ANKRD36: variants seen among roughly 807,000 people sequenced by gnomAD.
ANKRD36 encodes the protein ankyrin repeat domain-containing protein 36A.
In ANKRD36, 179 loss-of-function variants were observed where a neutral mutation model predicts 278.1. The observed-to-expected ratio is 0.64, with a 90% CI of 0.57 to 0.73. ANKRD36 has a LOEUF of 0.73. Ranked by LOEUF, ANKRD36 falls within the 30% of genes least tolerant of loss-of-function variation. ANKRD36 has a pLI of 0.00. For synonymous variants in ANKRD36, 320 were observed against 641.1 expected (o/e 0.50, Z 7.57); for missense variants, 1,159 against 1,956.7 (o/e 0.59, Z 7.69).
chr2:97,208,590 C>G (rs183619727), intron 54 of ANKRD36, among the ~76,000 whole-genome samples: 108 of 146,352 alleles, frequency 7.4e-4, no homozygotes, highest in Non-Finnish European at 3.3e-4. Flanking sequence ...TTGCTTTTAG[C>G]TGCTCCAGGA....
intron 16 of ANKRD36, 65 bp downstream of exon 16, chr2:97,158,232 T>C: frequency 1.4e-6 from 2 of 1,394,372 alleles, no homozygotes. Flanking sequence ...TCTTTTTCTT[T>C]CTTATTTTTT....
At chr2:97,183,275 C>T (rs768521478) in intron 26 of ANKRD36, among the ~76,000 whole-genome samples, 184 bp from the exon 27 acceptor site, 89 of 151,774 alleles carry the variant, frequency 5.9e-4, no homozygotes, top group Admixed American at 1.1e-3. Context: ...TTTCTGGAAG[C>T]GTGTATTCCT....
At chr2:97,170,010 C>T (rs374846321) in intron 22 of ANKRD36, among the ~76,000 whole-genome samples, 4 of 150,058 alleles carry the variant, frequency 2.7e-5, no homozygotes, top group Admixed American at 6.6e-5. Flanking sequence ...CATCACGCTA[C>T]CTGACTTCAA....
chr2:97,198,899 C>G lies in ANKRD36; in HGVS notation c.2755+241C>G, dbSNP rs1287404786. On this transcript the variant is annotated intron_variant, in intron 44 of 75. Coordinates refer to ENST00000420699, the MANE Select transcript of ANKRD36 (RefSeq NM_001354587.1). ...GGAAGAAGAAATATGGAGAGCAGTT[C>G]AAGGCATAAGGGGCTCCGGGGAACA... is the stretch of plus-strand genomic sequence containing the variant. 8.6e-5 allele frequency among the ~76,000 whole-genome samples: 13 copies of G among 151,784 alleles called. No homozygotes were observed. The East Asian group carries it at 2.5e-3, about 30-fold the overall frequency.
In ANKRD36 at chr2:97,191,108, G is replaced by A; in HGVS notation, c.2275-1G>A. On this transcript the variant is annotated splice_acceptor_variant, in intron 35 of 75. Transcript: ENST00000420699. LOFTEE classifies it high-confidence loss of function. Reference sequence around the variant, plus strand: ...ATTACTTTCTTTCAAATTCCATTCAGGCTACAACTGATGAGAAAGATTCTG... The same window carrying A: ...ATTACTTTCTTTCAAATTCCATTCAAGCTACAACTGATGAGAAAGATTCTG... 1 of 1,596,594 alleles carries A rather than the reference G, an allele frequency of 6.3e-7. No homozygotes were observed. Among genetic ancestry groups the A allele is most frequent in the African/African-American group, 1.3e-5 (1 of 74,134 alleles).
At chr2:97,226,989 C>G (rs1287664123) in intron 67 of ANKRD36, among the ~76,000 whole-genome samples, 8 of 152,080 alleles carry the variant, frequency 5.3e-5, no homozygotes, top group Non-Finnish European at 8.8e-5. Flanking sequence ...GTCTATATCT[C>G]TGTTTTGGTA....
intron 67 of ANKRD36, among the ~76,000 whole-genome samples, chr2:97,226,410 G>T (rs1428487439): frequency 1.3e-5 from 2 of 151,072 alleles, no homozygotes; most frequent in Non-Finnish European, 2.9e-5. Context: ...TTTTTTGGCT[G>T]CATAAATGTC....
At position 97,123,613 on chromosome 2, in the gene ANKRD36, T is replaced by TTATATATA. The variant is rs59057238; in HGVS notation, c.593+637_593+644dup. Among the ~76,000 whole-genome samples the TTATATATA allele has an allele frequency of 2.4e-3, 156 of 64,668 alleles. 6 individuals are homozygous for TTATATATA. Among genetic ancestry groups the TTATATATA allele is most frequent in the African/African-American group, 4.9e-3 (138 of 28,096 alleles). The allele number at this position is 64,668 out of a possible 152,430, so 42.4% of individuals were successfully genotyped here. On this transcript the variant is annotated intron_variant, in intron 4 of 75. Transcript: ENST00000420699. Reference sequence around the variant, plus strand: ...CAAGGGTGGTTGTGTGTAAGTAACATTATATATATATATATATATATATAA... The same window carrying TTATATATA: ...CAAGGGTGGTTGTGTGTAAGTAACATTATATATATATATATATATATATATATATATAA...
At position 97,233,721 on chromosome 2, in the gene ANKRD36, AT is replaced by A. The variant is rs763525758; in HGVS notation, c.3952-5del. ...GGGACATTTTGAAACAGTGTTATTT[AT>A]TTTGTAGGTGAAAAACCAAATACAT... is the stretch of plus-strand genomic sequence containing the variant. On this transcript the variant is annotated splice_polypyrimidine_tract_variant and splice_region_variant and intron_variant, in intron 67 of 75. Transcript: ENST00000420699. The A allele has an allele frequency of 3.1e-5, 43 of 1,402,178 alleles. 1 individual carries two copies. Among genetic ancestry groups the A allele is most frequent in the Middle Eastern group, 5.4e-4 (2 of 3,722 alleles). The allele number at this position is 1,402,178 out of a possible 1,614,324, so 86.9% of individuals were successfully genotyped here. A position where few individuals can be genotyped will look rare whatever the true frequency, so the allele number is the denominator to read the frequency against.
Position 97,187,396 on chromosome 2 carries a change from G to A in ANKRD36, c.2138G>A (p.Gly713Glu). Residue 713 changes from glycine (G) to glutamate (E), a missense_variant, in exon 32 of 76, where the codon GGG becomes GAG. Gly to Glu is a moderately conservative substitution (Grantham distance 98). Coordinates refer to ENST00000420699, the MANE Select transcript of ANKRD36 (RefSeq NM_001354587.1). ...GAAATAAAGGATGGAGAAAAATCTG[G>A]GACAGGTAATTTTGCAAAACACATT... ...ATEIKDGEKSGTVSSQKQPAL... is the reference protein window; with the variant it reads ...ATEIKDGEKSETVSSQKQPAL... 1 of 1,531,382 alleles carries A rather than the reference G, an allele frequency of 6.5e-7. No individual in the cohort carries two copies. The highest frequency in any genetic ancestry group is 8.9e-7 in the Non-Finnish European group (1 of 1,129,760). The allele number at this position is 1,531,382 out of a possible 1,614,324, so 94.9% of individuals were successfully genotyped here. A position where few individuals can be genotyped will look rare whatever the true frequency, so the allele number is the denominator to read the frequency against.
Position 97,113,758 on chromosome 2 carries a change from G to T in ANKRD36, c.19G>T (p.Glu7Ter), listed in dbSNP as rs767402063. 1 of 1,612,660 alleles carries T rather than the reference G, an allele frequency of 6.2e-7. No individual in the cohort carries two copies. Residue 7 changes from glutamate to a stop codon, truncating the protein, a stop_gained, in exon 1 of 76, where the codon GAG (glutamate) becomes TAG (stop). Transcript: ENST00000420699. LOFTEE classifies it high-confidence loss of function. MEDGKR[E>*]RWPTLMERLC... is the part of the protein sequence containing the mutation. ...GACGATTATGGAAGACGGCAAGCGG[G>T]AGAGGTGGCCCACCCTCATGGAGCG... is the stretch of plus-strand genomic sequence containing the variant.
chr2:97,149,368 T>G lies in ANKRD36; in HGVS notation c.1101+7T>G. 6.6e-6 allele frequency: 10 copies of G among 1,522,128 alleles called. No individual in the cohort carries two copies. Among genetic ancestry groups the G allele is most frequent in the Non-Finnish European group, 8.8e-6 (10 of 1,140,536 alleles). 94.3% of individuals were successfully genotyped at this position (1,522,128 alleles called of 1,614,324 possible). A position where few individuals can be genotyped will look rare whatever the true frequency, so the allele number is the denominator to read the frequency against. On this transcript the variant is annotated splice_region_variant and intron_variant, in intron 12 of 75. Transcript: ENST00000420699. The stretch of plus-strand genomic sequence containing the variant: ...GTTTTCTTTGGAATCTGAGGTAGAG[T>G]ACTCTCTTGTGAAATTAATTTTCTC...
intron 42 of ANKRD36, among the ~76,000 whole-genome samples, chr2:97,197,077 C>A (rs1264111301): frequency 6.6e-6 from 1 of 151,908 alleles, no homozygotes; most frequent in African/African-American, 2.4e-5. Flanking sequence ...TTTAATTCTC[C>A]AGCTTGTTTT....
At chr2:97,144,106 A>G (rs963657227) in intron 8 of ANKRD36, among the ~76,000 whole-genome samples, 2 of 152,176 alleles carry the variant, frequency 1.3e-5, no homozygotes, top group African/African-American at 4.8e-5. Flanking sequence ...AAATATTTGT[A>G]GTATAATGGT....
At chr2:97,208,530 C>T (rs1438420315) in intron 54 of ANKRD36, among the ~76,000 whole-genome samples, 6 of 146,146 alleles carry the variant, frequency 4.1e-5, no homozygotes, top group African/African-American at 1.6e-4. Flanking sequence ...GCTGAGGAAA[C>T]CTGAGTGAAC....
chr2:97,194,134 C>A (rs1487676741), intron 38 of ANKRD36, among the ~76,000 whole-genome samples: 2 of 151,542 alleles, frequency 1.3e-5, no homozygotes, highest in African/African-American at 4.8e-5. Flanking sequence ...CAAATGATTA[C>A]ACTACATGGG....
At chr2:97,177,276 C>T (rs2153532825) in intron 22 of ANKRD36, among the ~76,000 whole-genome samples, 1 of 151,928 alleles carries the variant, frequency 6.6e-6, no homozygotes, top group South Asian at 2.1e-4. Flanking sequence ...AGATTCAATG[C>T]CATCCCCATC....
Position 97,181,666 on chromosome 2 carries a change from A to G in ANKRD36, c.1764+40A>G, listed in dbSNP as rs563496634. 11 of 1,604,916 alleles carry G rather than the reference A, an allele frequency of 6.9e-6. No individual in the cohort carries two copies. The African/African-American group carries it at 9.4e-5, about 14-fold the overall frequency. On this transcript the variant is annotated intron_variant, in intron 25 of 75. Coordinates refer to ENST00000420699, the MANE Select transcript of ANKRD36 (RefSeq NM_001354587.1). ...ATTTATATGTTGAACTATTAACTGT[A>G]TAGTCTATGAAACCTACTTTACATA...
intron 22 of ANKRD36, among the ~76,000 whole-genome samples, chr2:97,177,089 A>G (rs1273660648): frequency 6.6e-6 from 1 of 151,756 alleles, no homozygotes. Flanking sequence ...TGCTTCAAAG[A>G]GAATAAAATA....
Sources: allele counts gnomAD v4.1 joint callset (sites outside exome capture counted in the v4.1 genomes callset), GRCh38; gene constraint gnomAD v4.1.1; transcripts MANE v1.5; gene names NCBI Gene and HGNC (gene_info 2026-07-23, HGNC 2026-07-21).